RHOA: variants seen among roughly 807,000 people sequenced by gnomAD.
The protein encoded by RHOA is transforming protein RhoA.
In RHOA, 3 loss-of-function variants were observed where a neutral mutation model predicts 17.5. The observed-to-expected ratio is 0.17, with a 90% CI of 0.08 to 0.44. RHOA has a LOEUF of 0.44. Among genes scored for constraint, RHOA ranks in the 20% least tolerant of loss-of-function variants. RHOA has a pLI of 0.99. For missense variants in RHOA, 56 were observed against 242.3 expected, an observed-to-expected ratio of 0.23 and a Z score of 5.10; for synonymous variants, 98 against 88.4, an observed-to-expected ratio of 1.11 and a Z score of -0.61.
intron 1 of RHOA, among the ~76,000 whole-genome samples, chr3:49,405,684 CTTCT>C (rs1179129896): frequency 1.3e-5 from 2 of 152,078 alleles, no homozygotes; most frequent in Non-Finnish European, 2.9e-5. Flanking sequence ...CTTTTCTTTC[CTTCT>C]TTTTTTTGTG....
intron 1 of RHOA, among the ~76,000 whole-genome samples, chr3:49,409,690 T>C (rs984987815): frequency 2.0e-5 from 3 of 152,230 alleles, no homozygotes; most frequent in African/African-American, 7.2e-5. Context: ...TACCTGTTTT[T>C]ACTCTCCTAA....
At chr3:49,404,733 AG>A (rs2048793153) in intron 1 of RHOA, among the ~76,000 whole-genome samples, 1 of 149,058 alleles carries the variant, frequency 6.7e-6, no homozygotes, top group African/African-American at 2.5e-5. Context: ...GATGGAGACC[AG>A]CCTGGGCAAC....
At chr3:49,360,467 A>ATT (rs200617234) in intron 4 of RHOA, 85 bp from the exon 5 acceptor site, 5 of 1,419,654 alleles carry the variant, frequency 3.5e-6, no homozygotes, top group Non-Finnish European at 3.8e-6. Context: ...CATCTAAAAG[A>ATT]TTTTTTTTTC....
At chr3:49,390,991 G>A (rs1013261476) in intron 1 of RHOA, among the ~76,000 whole-genome samples, 1 of 151,948 alleles carries the variant, frequency 6.6e-6, no homozygotes, top group Non-Finnish European at 1.5e-5. Context: ...GGCTGAGGCA[G>A]GAGGATCACG....
chr3:49,387,234 G>A (rs191804219), intron 1 of RHOA, among the ~76,000 whole-genome samples: 1 of 143,228 alleles, frequency 7.0e-6, no homozygotes, highest in East Asian at 2.1e-4. Flanking sequence ...CATGAGGTCA[G>A]GAAATTGAGA....
At chr3:49,383,926 A>T (rs2048357123) in intron 1 of RHOA, among the ~76,000 whole-genome samples, 1 of 152,152 alleles carries the variant, frequency 6.6e-6, no homozygotes, top group Non-Finnish European at 1.5e-5. Flanking sequence ...GCTACTTGGA[A>T]GGCTGAGGCA....
chr3:49,401,580 G>A (rs1408395466), intron 1 of RHOA, among the ~76,000 whole-genome samples: 1 of 151,698 alleles, frequency 6.6e-6, no homozygotes, highest in African/African-American at 2.4e-5. Flanking sequence ...AAAAAAATTG[G>A]GGAAATGAAG....
intron 2 of RHOA, among the ~76,000 whole-genome samples, chr3:49,375,055 G>A (rs994623810): frequency 6.6e-6 from 1 of 151,996 alleles, no homozygotes; most frequent in Admixed American, 6.6e-5. Context: ...TGGATCACCC[G>A]AGGTCAGAAG....
At chr3:49,386,975 G>C (rs2048405758) in intron 1 of RHOA, among the ~76,000 whole-genome samples, 1 of 151,540 alleles carries the variant, frequency 6.6e-6, no homozygotes, top group Admixed American at 6.6e-5. Context: ...AAATTAGCCA[G>C]GCATGGTGGC....
At chr3:49,400,903 G>A (rs926565313) in intron 1 of RHOA, among the ~76,000 whole-genome samples, 4 of 151,456 alleles carry the variant, frequency 2.6e-5, no homozygotes, top group Non-Finnish European at 4.4e-5. Flanking sequence ...AAAATTAGCC[G>A]GGCATAGTGG....
At chr3:49,410,024 T>C (rs757968673) in intron 1 of RHOA, among the ~76,000 whole-genome samples, 1 of 152,164 alleles carries the variant, frequency 6.6e-6, no homozygotes. Context: ...TCTCCCTCAA[T>C]TGAAGGCAGG....
At chr3:49,377,804 G>T (rs1463989416) in intron 1 of RHOA, among the ~76,000 whole-genome samples, 1 of 151,154 alleles carries the variant, frequency 6.6e-6, no homozygotes, top group Non-Finnish European at 1.5e-5. Context: ...CAAAAAAGCA[G>T]CTTAGGTTGG....
intron 3 of RHOA, among the ~76,000 whole-genome samples, chr3:49,365,851 G>A (rs759575276): frequency 9.9e-5 from 15 of 151,632 alleles, no homozygotes; most frequent in South Asian, 4.2e-4. Context: ...TCAGCCTCCC[G>A]AAGTGCTGGG....
intron 1 of RHOA, among the ~76,000 whole-genome samples, chr3:49,398,839 C>CAAAAAAAAAAAAAAAAAAAAAAA (rs71080506): frequency 2.8e-5 from 1 of 35,656 alleles, no homozygotes. Flanking sequence ...GACTCCGTCT[C>CAAAAAAAAAAAAAAAAAAAAAAA]AAAAAAAAAA....
intron 1 of RHOA, among the ~76,000 whole-genome samples, chr3:49,384,057 AATATCTG>A (rs2048359317): frequency 6.6e-6 from 1 of 152,036 alleles, no homozygotes; most frequent in Non-Finnish European, 1.5e-5. Context: ...GAAAAAGAAA[AATATCTG>A]ATAAAGAACA....
chr3:49,391,389 CAAAA>C (rs71627384), intron 1 of RHOA, among the ~76,000 whole-genome samples: 2 of 123,086 alleles, frequency 1.6e-5, no homozygotes, highest in Non-Finnish European at 1.7e-5. Flanking sequence ...GAGAATCCGT[CAAAA>C]AAAAAAAAAA....
chr3:49,399,240 G>A (rs1177918189), intron 1 of RHOA, among the ~76,000 whole-genome samples: 1 of 151,358 alleles, frequency 6.6e-6, no homozygotes, highest in Non-Finnish European at 1.5e-5. Context: ...CGTGGCGGCG[G>A]GCACCTGTAG....
intron 2 of RHOA, among the ~76,000 whole-genome samples, chr3:49,369,006 CTTTTTTTTTTT>C (rs1160140765): frequency 3.2e-4 from 19 of 59,708 alleles, no homozygotes; most frequent in African/African-American, 1.3e-3. Context: ...CGCGCCTGGC[CTTTTTTTTTTT>C]TTTTTTTTTT....
rs1160140765 is a variant in RHOA at position 49,369,006 on chromosome 3, CTTTTTTTTTTTTTTTTTT to C, written c.157-476_157-459del. 3.9e-4 allele frequency among the ~76,000 whole-genome samples: 23 copies of C among 59,702 alleles called. 1 individual carries two copies. The highest frequency in any genetic ancestry group is 2.9e-3 in the East Asian group (3 of 1,046). 39.2% of individuals were successfully genotyped at this position (59,702 alleles called of 152,430 possible). On this transcript the variant is annotated intron_variant, in intron 2 of 4. Coordinates refer to ENST00000418115, the MANE Select transcript of RHOA (RefSeq NM_001664.4). ...GCAGGCGTGACCCACCGCGCCTGGC[CTTTTTTTTTTTTTTTTTT>C]TTTTTTTTTTTTTTTGTTGAGACGG...
Sources: allele counts gnomAD v4.1 joint callset (sites outside exome capture counted in the v4.1 genomes callset), GRCh38; gene constraint gnomAD v4.1.1; transcripts MANE v1.5; gene names NCBI Gene and HGNC (gene_info 2026-07-23, HGNC 2026-07-21).